C13orf42: variants seen among roughly 807,000 people sequenced by gnomAD.
C13orf42 encodes the protein chromosome 13 open reading frame 42, also known as uncharacterized protein C13orf42.
At chr13:51,158,860 T>C (rs189588583) in intron 1 of C13orf42, among the ~76,000 whole-genome samples, 63 of 152,372 alleles carry the variant, frequency 4.1e-4, no homozygotes, top group Non-Finnish European at 3.2e-4. Flanking sequence ...CGCTAGTATG[T>C]TTCCCAGAAA....
intron 1 of C13orf42, among the ~76,000 whole-genome samples, chr13:51,152,842 T>C (rs1953790180): frequency 6.6e-6 from 1 of 152,158 alleles, no homozygotes; most frequent in Non-Finnish European, 1.5e-5. Flanking sequence ...ACTGGCTTAG[T>C]GACTCAATCC....
chr13:51,146,242 T>C (rs1034968687), intron 1 of C13orf42, among the ~76,000 whole-genome samples: 6 of 152,176 alleles, frequency 3.9e-5, no homozygotes, highest in Admixed American at 3.9e-4. Flanking sequence ...AAGCCTCTGA[T>C]AAATGGACAT....
At chr13:51,161,878 G>T in intron 1 of C13orf42, 1 of 482,038 alleles carries the variant, frequency 2.1e-6, no homozygotes, top group South Asian at 1.6e-5. Context: ...TATTGTCAGT[G>T]GTGGTTCTGG....
At chr13:51,147,641 A>G (rs1953747079) in intron 1 of C13orf42, among the ~76,000 whole-genome samples, 1 of 152,024 alleles carries the variant, frequency 6.6e-6, no homozygotes, top group African/African-American at 2.4e-5. Context: ...AGGCTGGAGA[A>G]TCGCTTGAAC....
chr13:51,085,723 A>T (rs575969005), intron 2 of C13orf42, among the ~76,000 whole-genome samples, 164 bp from the exon 3 acceptor site: 1 of 152,256 alleles, frequency 6.6e-6, no homozygotes, highest in Non-Finnish European at 1.5e-5. Context: ...GTTGTGGTGC[A>T]GGAGGAATGC....
intron 1 of C13orf42, among the ~76,000 whole-genome samples, chr13:51,155,167 A>C (rs1420901963): frequency 6.6e-6 from 1 of 152,216 alleles, no homozygotes; most frequent in African/African-American, 2.4e-5. Flanking sequence ...TGTTGTTATT[A>C]AAATAAATAA....
rs554918782 is a variant in C13orf42 at position 51,166,854 on chromosome 13, G to C, written n.136+5399C>G. On this transcript the variant is annotated intron_variant and non_coding_transcript_variant, in intron 1 of 4. Coordinates refer to the C13orf42 transcript ENST00000433280. Reference sequence around the variant, plus strand: ...AGCACCTTGGGAGGCCGAGGCGGGCGCATTGCCTGAGGTCAGGAGTTCAAG... The same window carrying C: ...AGCACCTTGGGAGGCCGAGGCGGGCCCATTGCCTGAGGTCAGGAGTTCAAG... Among the ~76,000 whole-genome samples, 3 of 152,242 alleles carry C rather than the reference G, an allele frequency of 2.0e-5. No individual in the cohort carries two copies. The South Asian group carries it at 6.2e-4, about 32-fold the overall frequency.
At chr13:51,160,704 A>G (rs890677758) in intron 1 of C13orf42, among the ~76,000 whole-genome samples, 1 of 152,186 alleles carries the variant, frequency 6.6e-6, no homozygotes, top group Non-Finnish European at 1.5e-5. Context: ...CAGGTATAAA[A>G]TAAGTGGGAA....
At chr13:51,086,076 G>A (rs1207723070) in intron 2 of C13orf42, among the ~76,000 whole-genome samples, 2 of 152,092 alleles carry the variant, frequency 1.3e-5, no homozygotes, top group African/African-American at 2.4e-5. Flanking sequence ...GGAGGCTGAG[G>A]CATGTGGATC....
chr13:51,162,053 G>C (rs1953868904), intron 1 of C13orf42: 1 of 351,384 alleles, frequency 2.8e-6, no homozygotes, highest in Non-Finnish European at 5.6e-6. Context: ...ACATGCTGCA[G>C]CATCATTTGT....
chr13:51,092,362 G>A (rs1383931184), intron 1 of C13orf42, among the ~76,000 whole-genome samples: 1 of 151,946 alleles, frequency 6.6e-6, no homozygotes, highest in Non-Finnish European at 1.5e-5. Flanking sequence ...TTTTGAATAG[G>A]ATTTATTCAT....
At chr13:51,162,283 A>T (rs7319232) in intron 1 of C13orf42, 43,773 of 195,608 alleles carry the variant, frequency 0.22, 5,685 homozygotes, top group Admixed American at 0.32. Context: ...GTCTTCTAAA[A>T]GTCACTTGGT....
chr13:51,106,922 T>G (rs1036249710), intron 1 of C13orf42, among the ~76,000 whole-genome samples: 3 of 152,346 alleles, frequency 2.0e-5, no homozygotes, highest in Non-Finnish European at 4.4e-5. Flanking sequence ...GTACGGATTT[T>G]TTTTGTTGTT....
intron 1 of C13orf42, among the ~76,000 whole-genome samples, chr13:51,166,472 T>G (rs1437588113): frequency 7.3e-6 from 1 of 136,120 alleles, no homozygotes; most frequent in Admixed American, 7.6e-5. Context: ...AGGGATAGCA[T>G]CGGGAGACAT....
At chr13:51,154,892 A>T (rs1953813364) in intron 1 of C13orf42, among the ~76,000 whole-genome samples, 1 of 152,190 alleles carries the variant, frequency 6.6e-6, no homozygotes, top group South Asian at 2.1e-4. Context: ...CCAAGGGTAG[A>T]AAGCAGGCTG....
chr13:51,121,657 T>C (rs1041806829), intron 1 of C13orf42, among the ~76,000 whole-genome samples: 9 of 151,560 alleles, frequency 5.9e-5, no homozygotes, highest in African/African-American at 2.2e-4. Flanking sequence ...TGCCTCAGGC[T>C]CCCGAGTAGC....
chr13:51,092,760 G>A (rs926678388), intron 1 of C13orf42, among the ~76,000 whole-genome samples: 1 of 152,020 alleles, frequency 6.6e-6, no homozygotes, highest in South Asian at 2.1e-4. Context: ...CATTCAACTT[G>A]TGAAGCTGAG....
chr13:51,093,077 G>A (rs1318298793), intron 1 of C13orf42, among the ~76,000 whole-genome samples: 1 of 152,112 alleles, frequency 6.6e-6, no homozygotes, highest in Non-Finnish European at 1.5e-5. Context: ...GAAGTACCTA[G>A]TTTATGTTCT....
intron 1 of C13orf42, among the ~76,000 whole-genome samples, chr13:51,157,779 G>C (rs977611582): frequency 1.3e-5 from 2 of 152,148 alleles, no homozygotes; most frequent in Admixed American, 1.3e-4. Flanking sequence ...CAGAAGCCTC[G>C]TGTATTGTGA....
Sources: allele counts gnomAD v4.1 joint callset (sites outside exome capture counted in the v4.1 genomes callset), GRCh38; gene constraint gnomAD v4.1.1; transcripts MANE v1.5; gene names NCBI Gene and HGNC (gene_info 2026-07-23, HGNC 2026-07-21).